The following ZBBX variants were observed in gnomAD, a reference collection of about 807,000 sequenced individuals.
The protein encoded by ZBBX is zinc finger B-box domain containing.
A neutral mutation model predicts 108.5 loss-of-function variants in ZBBX; 101 were observed. The observed-to-expected ratio is 0.93, with a 90% CI of 0.79 to 1.10. The LOEUF (loss-of-function observed/expected upper bound fraction) is 1.10, where lower values mean the gene tolerates loss of function less well. ZBBX is among the 50% of genes least tolerant of loss of function. The pLI is 0.00. For synonymous variants in ZBBX, 356 were observed against 323.4 expected (o/e 1.10, Z -1.08); for missense variants, 1,009 against 941.4 (o/e 1.07, Z -0.94).
intron 18 of ZBBX, among the ~76,000 whole-genome samples, chr3:167,295,750 TATATATATAAAAAA>T (rs1731570295): frequency 1.9e-4 from 4 of 21,318 alleles, no homozygotes; most frequent in African/African-American, 8.6e-4. Context: ...TATATATATA[TATATATATAAAAAA>T]AACTAGTAAG....
chr3:167,348,119 G>A (rs1741807073), intron 9 of ZBBX, among the ~76,000 whole-genome samples: 1 of 151,082 alleles, frequency 6.6e-6, no homozygotes, highest in East Asian at 1.9e-4. Context: ...ACCAAAGAAT[G>A]TGATGCTGGC....
At chr3:167,205,300 C>T in the ZBBX span, among the ~76,000 whole-genome samples, 5 of 151,876 alleles carry the variant, frequency 3.3e-5, no homozygotes, top group Non-Finnish European at 7.4e-5. Flanking sequence ...AGGAATTACT[C>T]AATGGGAAAC....
chr3:167,343,337 T>C (rs1029543314), intron 9 of ZBBX, among the ~76,000 whole-genome samples: 3 of 151,856 alleles, frequency 2.0e-5, no homozygotes, highest in African/African-American at 4.8e-5. Context: ...CACTACCCTC[T>C]CTACTGTGTC....
chr3:167,222,730 T>C, the ZBBX span, among the ~76,000 whole-genome samples: 1 of 151,792 alleles, frequency 6.6e-6, no homozygotes, highest in Non-Finnish European at 1.5e-5. Context: ...ATTTTAAAAA[T>C]AATAAAAATG....
At chr3:167,332,516 G>A in intron 10 of ZBBX, among the ~76,000 whole-genome samples, 1 of 152,094 alleles carries the variant, frequency 6.6e-6, no homozygotes, top group South Asian at 2.1e-4. Flanking sequence ...ATAACACAGA[G>A]GAGCCTACTC....
At chr3:167,367,199 T>A (rs937662423) in intron 5 of ZBBX, among the ~76,000 whole-genome samples, 1 of 151,908 alleles carries the variant, frequency 6.6e-6, no homozygotes, top group African/African-American at 2.4e-5. Context: ...TGCACTCTCA[T>A]ACACTGTAGG....
At chr3:167,193,127 G>C in the ZBBX span, among the ~76,000 whole-genome samples, 1 of 152,164 alleles carries the variant, frequency 6.6e-6, no homozygotes, top group Admixed American at 6.5e-5. Flanking sequence ...GGTTGGCTCA[G>C]AGATTCTCTG....
intron 16 of ZBBX, among the ~76,000 whole-genome samples, chr3:167,306,311 CAG>C (rs1423357661): frequency 2.0e-5 from 3 of 152,148 alleles, no homozygotes; most frequent in Non-Finnish European, 4.4e-5. Flanking sequence ...AGAAGTAACA[CAG>C]GGGGAACATT....
chr3:167,191,920 T>TAGAGAGAGAGAGAGAGAG, the ZBBX span, among the ~76,000 whole-genome samples: 1 of 122,198 alleles, frequency 8.2e-6, no homozygotes, highest in African/African-American at 3.3e-5. Context: ...TATATATATA[T>TAGAGAGAGAGAGAGAGAG]ATATATATAT....
At chr3:167,187,105 C>T in the ZBBX span, among the ~76,000 whole-genome samples, 6 of 152,088 alleles carry the variant, frequency 3.9e-5, no homozygotes, top group African/African-American at 1.4e-4. Context: ...CTACCGTAGA[C>T]CCAAGCTGAT....
intron 20 of ZBBX, among the ~76,000 whole-genome samples, chr3:167,270,636 ATCCAC>A (rs1358851062): frequency 6.6e-6 from 1 of 152,134 alleles, no homozygotes; most frequent in Non-Finnish European, 1.5e-5. Flanking sequence ...GCCTCAATGC[ATCCAC>A]TCTGTTGCTG....
chr3:167,322,934 C>T (rs989593077), intron 11 of ZBBX, among the ~76,000 whole-genome samples: 2 of 151,926 alleles, frequency 1.3e-5, no homozygotes, highest in African/African-American at 4.8e-5. Context: ...TAAACTAAGG[C>T]TAGAGGGTGT....
At chr3:167,214,656 A>T in the ZBBX span, among the ~76,000 whole-genome samples, 1 of 152,186 alleles carries the variant, frequency 6.6e-6, no homozygotes, top group Admixed American at 6.6e-5. Flanking sequence ...TGACCTCTGC[A>T]GAACTCTCCA....
At chr3:167,398,133 C>A (rs1283046960) in intron 1 of ZBBX, among the ~76,000 whole-genome samples, 5 of 151,952 alleles carry the variant, frequency 3.3e-5, no homozygotes, top group African/African-American at 9.7e-5. Context: ...TTCAGTCAAG[C>A]AAGATTACAG....
chr3:167,359,140 A>G (rs1297709715), intron 8 of ZBBX, among the ~76,000 whole-genome samples: 6 of 152,154 alleles, frequency 3.9e-5, no homozygotes, highest in Non-Finnish European at 5.9e-5. Context: ...ACAAATGAAC[A>G]CATTACCAAT....
intron 7 of ZBBX, 29 bp from the exon 8 acceptor site, chr3:167,360,008 A>G (rs745454605): frequency 7.8e-7 from 1 of 1,287,344 alleles, no homozygotes; most frequent in Non-Finnish European, 1.1e-6. Flanking sequence ...TATTACTCCA[A>G]TCATTTAAAA....
chr3:167,229,924 A>C, the ZBBX span, among the ~76,000 whole-genome samples: 2 of 152,004 alleles, frequency 1.3e-5, no homozygotes, highest in African/African-American at 4.8e-5. Flanking sequence ...AGTTCAGTTC[A>C]AGCAACTAAA....
intron 20 of ZBBX, among the ~76,000 whole-genome samples, chr3:167,276,969 C>G (rs1283435768): frequency 1.3e-5 from 2 of 151,756 alleles, no homozygotes; most frequent in Non-Finnish European, 2.9e-5. Context: ...AATTTTCAAC[C>G]CAGAATTTCA....
At chr3:167,376,794 C>A (rs1747032099) in intron 2 of ZBBX, among the ~76,000 whole-genome samples, 4 of 152,124 alleles carry the variant, frequency 2.6e-5, no homozygotes, top group Admixed American at 2.6e-4. Context: ...AAGCTAATTT[C>A]CTTGTATGAA....
Sources: allele counts gnomAD v4.1 joint callset (sites outside exome capture counted in the v4.1 genomes callset), GRCh38; gene constraint gnomAD v4.1.1; transcripts MANE v1.5; gene names NCBI Gene and HGNC (gene_info 2026-07-23, HGNC 2026-07-21).